The following UNC13C variants were observed in gnomAD, a reference collection of about 807,000 sequenced individuals.
UNC13C encodes the protein unc-13 homolog C, also known as protein unc-13 homolog C.
A neutral mutation model predicts 245.4 loss-of-function variants in UNC13C; 174 were observed. The observed-to-expected ratio is 0.71, with a 90% CI of 0.63 to 0.80. The LOEUF (loss-of-function observed/expected upper bound fraction) is 0.80, where lower values mean the gene tolerates loss of function less well. Ranked by LOEUF, UNC13C falls within the 30% of genes least tolerant of loss-of-function variation. The pLI, the probability that UNC13C is intolerant of heterozygous loss-of-function variation, is 0.00. For synonymous variants in UNC13C, 992 were observed against 895.1 expected, an observed-to-expected ratio of 1.11 and a Z score of -1.93; for missense variants, 2,829 against 2,602.9, an observed-to-expected ratio of 1.09 and a Z score of -1.89.
intron 24 of UNC13C, among the ~76,000 whole-genome samples, chr15:54,518,517 T>C (rs58025043): frequency 6.6e-6 from 1 of 152,154 alleles, no homozygotes; most frequent in Non-Finnish European, 1.5e-5. Flanking sequence ...CTATAATAAA[T>C]CTATTTCATT....
intron 2 of UNC13C, among the ~76,000 whole-genome samples, chr15:54,028,404 C>T (rs1248761859): frequency 2.0e-5 from 3 of 152,192 alleles, no homozygotes; most frequent in African/African-American, 4.8e-5. Flanking sequence ...TTTCTTTCCC[C>T]ATCCCTGCTC....
chr15:53,882,470 A>G, the UNC13C span, among the ~76,000 whole-genome samples: 1 of 152,182 alleles, frequency 6.6e-6, no homozygotes, highest in African/African-American at 2.4e-5. Flanking sequence ...TTGTACACTT[A>G]ATTTTATAAT....
At chr15:54,463,848 T>C (rs1464802421) in intron 19 of UNC13C, among the ~76,000 whole-genome samples, 2 of 152,096 alleles carry the variant, frequency 1.3e-5, no homozygotes, top group African/African-American at 4.8e-5. Flanking sequence ...AATGCCATTG[T>C]TGGTAATGAC....
intron 4 of UNC13C, among the ~76,000 whole-genome samples, chr15:54,154,776 C>T (rs1364494458): frequency 6.6e-6 from 1 of 152,222 alleles, no homozygotes; most frequent in East Asian, 1.9e-4. Flanking sequence ...TGTTAGAGGT[C>T]TTCAAGTATT....
chr15:54,609,271 T>A (rs924490253), intron 30 of UNC13C: 2 of 152,228 alleles, frequency 1.3e-5, no homozygotes, highest in African/African-American at 2.4e-5. Flanking sequence ...AGGTACCAAT[T>A]ATTGGATCAC....
intron 4 of UNC13C, among the ~76,000 whole-genome samples, chr15:54,163,410 T>A (rs2033048950): frequency 6.6e-6 from 1 of 152,138 alleles, no homozygotes; most frequent in African/African-American, 2.4e-5. Context: ...GGTAAACTTC[T>A]TTTGTTATAA....
chr15:54,339,748 C>A (rs1392471529), intron 17 of UNC13C, among the ~76,000 whole-genome samples: 1 of 151,944 alleles, frequency 6.6e-6, no homozygotes, highest in African/African-American at 2.4e-5. Flanking sequence ...CTGCTATAAA[C>A]CTGCATGTGC....
intron 2 of UNC13C, among the ~76,000 whole-genome samples, chr15:54,107,470 G>C (rs1212936194): frequency 6.6e-6 from 1 of 152,178 alleles, no homozygotes; most frequent in Non-Finnish European, 1.5e-5. Context: ...CATTGAGTTA[G>C]AATATAGAGT....
At chr15:54,163,322 A>T (rs1051416817) in intron 4 of UNC13C, among the ~76,000 whole-genome samples, 16 of 152,184 alleles carry the variant, frequency 1.1e-4, no homozygotes, top group African/African-American at 3.6e-4. Context: ...AGGAAAAAAA[A>T]TCTCCTACAA....
intron 19 of UNC13C, among the ~76,000 whole-genome samples, chr15:54,443,127 T>C (rs1890622243): frequency 6.6e-6 from 1 of 152,146 alleles, no homozygotes; most frequent in Non-Finnish European, 1.5e-5. Flanking sequence ...CTATTCTTCC[T>C]GATTCCATCC....
intron 19 of UNC13C, among the ~76,000 whole-genome samples, chr15:54,485,918 C>T (rs1893379435): frequency 6.6e-6 from 1 of 152,114 alleles, no homozygotes; most frequent in Non-Finnish European, 1.5e-5. Context: ...TCCGTGAGCA[C>T]CCTATCAAAA....
intron 2 of UNC13C, among the ~76,000 whole-genome samples, chr15:54,025,817 T>C (rs976149040): frequency 1.3e-5 from 2 of 152,236 alleles, no homozygotes; most frequent in Non-Finnish European, 2.9e-5. Flanking sequence ...ACATGATTAT[T>C]CAGGTGTCAT....
At chr15:54,048,527 A>G (rs556113704) in intron 2 of UNC13C, 6 of 545,352 alleles carry the variant, frequency 1.1e-5, no homozygotes, top group South Asian at 1.0e-4. Context: ...TATGTGGGCC[A>G]TTTTTTGACT....
intron 2 of UNC13C, among the ~76,000 whole-genome samples, chr15:54,119,759 G>C (rs1376100377): frequency 6.6e-6 from 1 of 152,156 alleles, no homozygotes. Flanking sequence ...TACTACTTCA[G>C]TGAATACACA....
rs771652928 is a variant in UNC13C at position 54,567,940 on chromosome 15, C to T, written c.6099C>T (p.Thr2033=). Reference sequence around the variant, plus strand: ...TAAAGAAATTCATAGATACTCAAACCTCACAGAGTAAGTAACACATAGGAC... The same window carrying T: ...TAAAGAAATTCATAGATACTCAAACTTCACAGAGTAAGTAACACATAGGAC... ...ALIKKFIDTQ[T]SQSRSSKDAV... Residue 2033 remains threonine, a synonymous_variant, in exon 30 of 33, where the codon ACC becomes ACT. Transcript: ENST00000260323. The T allele has an allele frequency of 7.5e-5, 118 of 1,566,312 alleles. 1 individual carries two copies. Among genetic ancestry groups the T allele is most frequent in the Non-Finnish European group, 9.3e-5 (107 of 1,154,580 alleles).
At chr15:54,011,876 G>A (rs1895395095) in intron 1 of UNC13C, among the ~76,000 whole-genome samples, 1 of 152,184 alleles carries the variant, frequency 6.6e-6, no homozygotes, top group Non-Finnish European at 1.5e-5. Context: ...TGATAAAAGA[G>A]CAGATTTCTG....
chr15:54,203,354 A>G (rs1192097661), intron 4 of UNC13C, among the ~76,000 whole-genome samples: 1 of 151,630 alleles, frequency 6.6e-6, no homozygotes, highest in Non-Finnish European at 1.5e-5. Flanking sequence ...AGAAGTCACT[A>G]TACCAAAAAG....
chr15:53,924,653 C>T, the UNC13C span, among the ~76,000 whole-genome samples: 1 of 152,116 alleles, frequency 6.6e-6, no homozygotes, highest in African/African-American at 2.4e-5. Context: ...CAGAAAATTA[C>T]AGTGACTTGA....
chr15:54,113,446 G>C (rs10152847), intron 2 of UNC13C, among the ~76,000 whole-genome samples: 14,856 of 152,162 alleles, frequency 0.098, 885 homozygotes, highest in East Asian at 0.27. Context: ...GATATCTGCA[G>C]CTGTAGTAGG....
Sources: gnomAD v4.1 joint callset for allele counts (sites outside exome capture counted in the v4.1 genomes callset) on GRCh38, gnomAD v4.1.1 for gene constraint, MANE v1.5 for transcripts, NCBI Gene and HGNC (gene_info 2026-07-23, HGNC 2026-07-21) for gene names.